The following TAFA5 variants were observed in gnomAD, a reference collection of about 807,000 sequenced individuals.
The protein encoded by TAFA5 is TAFA chemokine like family member 5.
TAFA5 carries 6 observed loss-of-function variants against 15.3 expected under a neutral mutation model. The observed-to-expected ratio is 0.39, with a 90% CI of 0.21 to 0.77. The LOEUF (loss-of-function observed/expected upper bound fraction) is 0.77. Among genes scored for constraint, TAFA5 ranks in the 30% least tolerant of loss-of-function variants. The probability of loss-of-function intolerance (pLI) is 0.41; values close to 1 mark genes in which losing one functional copy is unlikely to be tolerated. For missense variants in TAFA5, 161 were observed against 193.1 expected, an observed-to-expected ratio of 0.83 and a Z score of 0.98; for synonymous variants, 103 against 80.7, an observed-to-expected ratio of 1.28 and a Z score of -1.48.
chr22:48,593,706 C>T lies in TAFA5; in HGVS notation c.113-52891C>T, dbSNP rs148926125. On this transcript the variant is annotated intron_variant, in intron 1 of 3. Coordinates refer to ENST00000402357, the MANE Select transcript of TAFA5 (RefSeq NM_001082967.3). ...AGTGAACTCTGGGAGCCGTCGCAGCCCAGGGAGTCCCCAAGGAAGGCCAGC... is the reference window on the plus strand; with the variant it reads ...AGTGAACTCTGGGAGCCGTCGCAGCTCAGGGAGTCCCCAAGGAAGGCCAGC... Among the ~76,000 whole-genome samples, 804 of 152,268 alleles carry T rather than the reference C, an allele frequency of 5.3e-3. 3 individuals are homozygous for T. Among genetic ancestry groups the T allele is most frequent in the Non-Finnish European group, 9.2e-3 (623 of 68,012 alleles).
In TAFA5 at chr22:48,683,129, A is replaced by G. The variant is rs8136564; in HGVS notation, c.263-24588A>G. On this transcript the variant is annotated intron_variant, in intron 2 of 3. Coordinates refer to ENST00000402357, the MANE Select transcript of TAFA5 (RefSeq NM_001082967.3). ...TACAGTCCCGGTGGCAATACCAGCT[A>G]CAGGGTCACAGCCAGGTTTCGGAAT... Among the ~76,000 whole-genome samples, 816 of 152,272 alleles carry G rather than the reference A, an allele frequency of 5.4e-3. 7 individuals carry two copies. Among genetic ancestry groups the G allele is most frequent in the African/African-American group, 0.019 (778 of 41,542 alleles).
intron 3 of TAFA5, among the ~76,000 whole-genome samples, chr22:48,748,191 G>A (rs9628479): frequency 0.36 from 54,083 of 152,164 alleles, 11,349 homozygotes; most frequent in African/African-American, 0.58. Context: ...GGACCACACC[G>A]TTCATGCCAG....
chr22:48,578,438 C>T (rs1923901247), intron 1 of TAFA5, among the ~76,000 whole-genome samples: 1 of 152,188 alleles, frequency 6.6e-6, no homozygotes, highest in Non-Finnish European at 1.5e-5. Context: ...TTTCTGTCTC[C>T]CAGATGGGAG....
chr22:48,678,591 G>A (rs138427576), intron 2 of TAFA5, among the ~76,000 whole-genome samples: 12 of 152,296 alleles, frequency 7.9e-5, no homozygotes, highest in Admixed American at 2.0e-4. Flanking sequence ...GCAGGGCTGC[G>A]GCAGGCGGGG....
intron 3 of TAFA5, among the ~76,000 whole-genome samples, 164 bp downstream of exon 3, chr22:48,708,008 T>G (rs541578803): frequency 2.6e-5 from 2 of 75,992 alleles, no homozygotes; most frequent in African/African-American, 9.3e-5. Context: ...TCTCTGGTGC[T>G]AAATTCCTGA....
chr22:48,747,997 C>T (rs1393411056), intron 3 of TAFA5, among the ~76,000 whole-genome samples: 1 of 151,828 alleles, frequency 6.6e-6, no homozygotes, highest in African/African-American at 2.4e-5. Context: ...GAGAAAGTAT[C>T]ATTTACCTGG....
chr22:48,658,607 G>A (rs1304014524), intron 2 of TAFA5, among the ~76,000 whole-genome samples: 1 of 152,206 alleles, frequency 6.6e-6, no homozygotes, highest in Non-Finnish European at 1.5e-5. Flanking sequence ...ACCCACCCAG[G>A]GCAGTACTGC....
At chr22:48,645,478 C>T (rs779583478) in intron 1 of TAFA5, among the ~76,000 whole-genome samples, 21 of 151,988 alleles carry the variant, frequency 1.4e-4, no homozygotes, top group African/African-American at 2.7e-4. Flanking sequence ...TTAGGGGATG[C>T]GGAGGGGGCA....
At chr22:48,584,144 CA>C (rs1924228206) in intron 1 of TAFA5, among the ~76,000 whole-genome samples, 1 of 146,788 alleles carries the variant, frequency 6.8e-6, no homozygotes, top group South Asian at 2.2e-4. Flanking sequence ...CACACCCCCC[CA>C]CAAAACATCA....
At chr22:48,721,235 G>A (rs1366997089) in intron 3 of TAFA5, among the ~76,000 whole-genome samples, 2 of 152,220 alleles carry the variant, frequency 1.3e-5, no homozygotes, top group Non-Finnish European at 2.9e-5. Context: ...CCCTGTGAGG[G>A]ACAACCTCCC....
intron 1 of TAFA5, among the ~76,000 whole-genome samples, chr22:48,608,271 G>A (rs965054410): frequency 3.0e-4 from 45 of 152,334 alleles, no homozygotes; most frequent in African/African-American, 1.0e-3. Context: ...CATCCAAGAA[G>A]CCTCCTGTTT....
chr22:48,561,937 C>T (rs1923244328), intron 1 of TAFA5, among the ~76,000 whole-genome samples: 1 of 152,156 alleles, frequency 6.6e-6, no homozygotes, highest in African/African-American at 2.4e-5. Context: ...TGGCTCGGCT[C>T]ATGGCCACTG....
chr22:48,743,907 T>C (rs1930252948), intron 3 of TAFA5, among the ~76,000 whole-genome samples: 1 of 152,208 alleles, frequency 6.6e-6, no homozygotes, highest in Admixed American at 6.5e-5. Context: ...CAGCCGAGTG[T>C]TGCTTGGTGG....
chr22:48,502,403 G>C (rs1475416798), intron 1 of TAFA5, among the ~76,000 whole-genome samples: 1 of 119,164 alleles, frequency 8.4e-6, no homozygotes, highest in Non-Finnish European at 1.6e-5. Context: ...CTGCATTTCT[G>C]GGGGAGCTGG....
chr22:48,653,459 G>A (rs57936698), intron 2 of TAFA5, among the ~76,000 whole-genome samples: 23,612 of 152,262 alleles, frequency 0.16, 2,936 homozygotes, highest in East Asian at 0.37. Context: ...ACAGTGCCCT[G>A]GCCAGGGCCA....
intron 1 of TAFA5, among the ~76,000 whole-genome samples, chr22:48,620,475 C>T (rs1218267679): frequency 1.3e-5 from 2 of 152,006 alleles, no homozygotes; most frequent in East Asian, 1.9e-4. Flanking sequence ...AGTTCTGCTA[C>T]GGCTGCCTCC....
intron 2 of TAFA5, among the ~76,000 whole-genome samples, chr22:48,696,060 G>C (rs1928701455): frequency 6.6e-6 from 1 of 152,148 alleles, no homozygotes; most frequent in South Asian, 2.1e-4. Flanking sequence ...CGGACCCCTG[G>C]TCCGTAGAAT....
At chr22:48,531,932 A>G (rs1601559370) in intron 1 of TAFA5, among the ~76,000 whole-genome samples, 1 of 152,250 alleles carries the variant, frequency 6.6e-6, no homozygotes, top group Non-Finnish European at 1.5e-5. Context: ...CACCACGGAC[A>G]GGACTTCATG....
In TAFA5 at chr22:48,490,276, C is replaced by T. The variant is rs977071486; in HGVS notation, c.112+572C>T. On this transcript the variant is annotated intron_variant, in intron 1 of 3. Coordinates refer to ENST00000402357, the MANE Select transcript of TAFA5 (RefSeq NM_001082967.3). This position sits in a 1 kb window ranked among gnomAD's most constrained non-coding sequence, Gnocchi z 5.8. ...GAGAAGCGAAGTGAGGGATGGGATG[C>T]CCGGAGGGGGCTCGCCGCGGCCGCG... Among the ~76,000 whole-genome samples, 9 of 152,158 alleles carry T rather than the reference C, an allele frequency of 5.9e-5. No homozygotes were observed. Among genetic ancestry groups the T allele is most frequent in the Middle Eastern group, 3.4e-3 (1 of 292 alleles).
Sources: gnomAD v4.1 joint callset for allele counts (sites outside exome capture counted in the v4.1 genomes callset) on GRCh38, gnomAD v4.1.1 for gene constraint, Gnocchi (gnomAD v3.1) non-coding constraint, MANE v1.5 for transcripts, NCBI Gene and HGNC (gene_info 2026-07-23, HGNC 2026-07-21) for gene names.